The following PCDHA11 variants were observed in gnomAD, a reference collection of about 807,000 sequenced individuals.
The protein encoded by PCDHA11 is protocadherin alpha-11.
A neutral mutation model predicts 70.3 loss-of-function variants in PCDHA11; 61 were observed. The observed-to-expected ratio is 0.87, with a 90% CI of 0.71 to 1.07. The LOEUF (loss-of-function observed/expected upper bound fraction) is 1.07, where lower values mean the gene tolerates loss of function less well. Ranked by LOEUF, PCDHA11 falls within the 50% of genes least tolerant of loss-of-function variation. PCDHA11 has a pLI of 0.00. For synonymous variants in PCDHA11, 633 were observed against 555.1 expected (o/e 1.14, Z -1.97); for missense variants, 1,324 against 1,237.5 (o/e 1.07, Z -1.05).
chr5:140,870,252 G>C lies in PCDHA11; in HGVS notation c.1149G>C (p.Gln383His), dbSNP rs782545691. The change falls in exon 1 of 4, where the codon CAG (glutamine) becomes CAC (histidine). Residue 383 changes from glutamine to histidine, a missense_variant. Coordinates refer to ENST00000398640, the MANE Select transcript of PCDHA11 (RefSeq NM_018902.5). ...ACCGTGACTCAGGTGTCAACGGACA[G>C]GTGACCTGCTCGCTGACGCCCCACG... ...VSDRDSGVNG[Q>H]VTCSLTPHVP... The C allele has an allele frequency of 4.3e-6, 7 of 1,614,080 alleles. No homozygotes were observed. The South Asian group carries it at 7.7e-5, about 18-fold the overall frequency.
At chr5:140,874,401 A>G (rs2054889687) in intron 1 of PCDHA11, among the ~76,000 whole-genome samples, 1 of 152,218 alleles carries the variant, frequency 6.6e-6, no homozygotes, top group African/African-American at 2.4e-5. Context: ...CTTGCATAAC[A>G]GTCACCATTC....
At chr5:141,006,035 G>T (rs529655038) in intron 3 of PCDHA11, among the ~76,000 whole-genome samples, 7 of 151,222 alleles carry the variant, frequency 4.6e-5, no homozygotes, top group Admixed American at 2.0e-4. Flanking sequence ...GTAAGAGGGA[G>T]ATTTGTAGAT....
At chr5:140,992,205 T>C (rs2097498733) in intron 3 of PCDHA11, among the ~76,000 whole-genome samples, 1 of 152,186 alleles carries the variant, frequency 6.6e-6, no homozygotes, top group South Asian at 2.1e-4. Flanking sequence ...TCCAATCAGA[T>C]AAACTACTCT....
At chr5:140,969,232 C>G in intron 1 of PCDHA11, 1 of 1,614,066 alleles carries the variant, frequency 6.2e-7, no homozygotes, top group Non-Finnish European at 8.5e-7. Flanking sequence ...CTTCGGGAGC[C>G]CAAGCAGCAG....
rs142640080 is a variant in PCDHA11 at position 140,917,521 on chromosome 5, C to T, written c.2391+46027C>T. Among the ~76,000 whole-genome samples the T allele has an allele frequency of 5.8e-4, 88 of 152,256 alleles. 1 individual carries two copies. In the East Asian group the frequency reaches 0.015, roughly 26 times the overall value. On this transcript the variant is annotated intron_variant, in intron 1 of 3. Transcript: ENST00000398640. ...ATGATATTTTCTAGGTTTTATTCTA[C>T]GGTTTGTATAGTTTTAGGTTTTACA...
chr5:140,917,777 T>C (rs913092177), intron 1 of PCDHA11, among the ~76,000 whole-genome samples: 7 of 152,214 alleles, frequency 4.6e-5, no homozygotes, highest in Non-Finnish European at 1.0e-4. Context: ...ATTAGTACCA[T>C]GTTGTTTTGG....
chr5:140,870,291 G>A lies in PCDHA11; in HGVS notation c.1188G>A (p.Leu396=), dbSNP rs372143455. 52 of 1,614,052 alleles carry A rather than the reference G, an allele frequency of 3.2e-5. No homozygotes were observed. The highest frequency in any genetic ancestry group is 3.6e-5 in the Non-Finnish European group (42 of 1,180,040). ...CSLTPHVPFK[L]VSTFKNYYSL... The stretch of plus-strand genomic sequence containing the variant: ...TGACGCCCCACGTTCCCTTCAAGCT[G>A]GTGTCCACCTTCAAGAATTACTACT... Residue 396 remains leucine (L), a synonymous_variant, in exon 1 of 4, where the codon CTG becomes CTA. Coordinates refer to ENST00000398640, the MANE Select transcript of PCDHA11 (RefSeq NM_018902.5).
intron 1 of PCDHA11, chr5:140,882,928 C>T: frequency 6.2e-7 from 1 of 1,614,140 alleles, no homozygotes; most frequent in Non-Finnish European, 8.5e-7. Context: ...GAGGTAAACC[C>T]GAGCTGACTG....
intron 1 of PCDHA11, chr5:140,878,055 C>T: frequency 2.2e-6 from 1 of 449,762 alleles, no homozygotes; most frequent in Non-Finnish European, 3.6e-6. Context: ...GAGCACCACA[C>T]TTAATATTTT....
chr5:140,978,806 C>G (rs1554239758), intron 1 of PCDHA11, 143 bp from the exon 2 acceptor site: 2 of 1,492,474 alleles, frequency 1.3e-6, no homozygotes, highest in Non-Finnish European at 1.8e-6. Context: ...TAGATATCAT[C>G]ATAGAGTTAC....
intron 1 of PCDHA11, chr5:140,882,642 A>C (rs2153386129): frequency 6.2e-7 from 1 of 1,614,224 alleles, no homozygotes; most frequent in East Asian, 2.2e-5. Flanking sequence ...AAGGTGAGGG[A>C]CATTAACGAC....
intron 1 of PCDHA11, among the ~76,000 whole-genome samples, chr5:140,899,817 T>C (rs1360189018): frequency 6.6e-6 from 1 of 152,178 alleles, no homozygotes; most frequent in East Asian, 1.9e-4. Flanking sequence ...TTGTTTTGTT[T>C]TTCCTTTTTG....
intron 1 of PCDHA11, among the ~76,000 whole-genome samples, chr5:140,922,795 G>C (rs1393016233): frequency 7.9e-5 from 12 of 152,152 alleles, no homozygotes; most frequent in African/African-American, 2.9e-4. Context: ...TGTAGCTTTG[G>C]AATACAGAAA....
chr5:140,968,608 T>A, intron 1 of PCDHA11: 1 of 1,614,242 alleles, frequency 6.2e-7, no homozygotes, highest in Non-Finnish European at 8.5e-7. Flanking sequence ...ACTCAGACTC[T>A]GGGCAAAATG....
chr5:140,979,094 T>G, intron 2 of PCDHA11, 87 bp downstream of exon 2: 3 of 1,551,990 alleles, frequency 1.9e-6, no homozygotes, highest in Non-Finnish European at 2.6e-6. Context: ...CAGAAGCAGC[T>G]GTCAAAACTA....
At chr5:140,884,137 C>T (rs782067447) in intron 1 of PCDHA11, 4 of 1,613,402 alleles carry the variant, frequency 2.5e-6, no homozygotes, top group Middle Eastern at 1.7e-4. Context: ...TCCCGTTCCG[C>T]GTGGGGCTGT....
chr5:140,933,853 A>AT (rs2089460601), intron 1 of PCDHA11, among the ~76,000 whole-genome samples: 2 of 151,568 alleles, frequency 1.3e-5, no homozygotes, highest in Non-Finnish European at 3.0e-5. Context: ...TGTACCTTTA[A>AT]TTTTTTCAGA....
At chr5:141,008,159 G>A (rs1352277469) in intron 3 of PCDHA11, among the ~76,000 whole-genome samples, 1 of 152,138 alleles carries the variant, frequency 6.6e-6, no homozygotes, top group East Asian at 1.9e-4. Flanking sequence ...TTGATAAGAT[G>A]AGGACTAAAA....
Position 140,968,830 on chromosome 5 carries a change from C to T in PCDHA11, c.2392-10119C>T, listed in dbSNP as rs782771762. On this transcript the variant is annotated intron_variant, in intron 1 of 3. Coordinates refer to ENST00000398640, the MANE Select transcript of PCDHA11 (RefSeq NM_018902.5). The stretch of plus-strand genomic sequence containing the variant: ...TGGTGGATAGGGTTTCCAAAATCCT[C>T]CCTGACACTCAGAGGCATGTTAAGA... 48 of 1,614,080 alleles carry T rather than the reference C, an allele frequency of 3.0e-5. No homozygotes were observed. The Admixed American group carries it at 8.0e-4, about 27-fold the overall frequency.
Sources: allele counts gnomAD v4.1 joint callset (sites outside exome capture counted in the v4.1 genomes callset), GRCh38; gene constraint gnomAD v4.1.1; transcripts MANE v1.5; gene names NCBI Gene and HGNC (gene_info 2026-07-23, HGNC 2026-07-21).